SLC25A13: variants seen among roughly 807,000 people sequenced by gnomAD.
SLC25A13 encodes the protein electrogenic aspartate/glutamate antiporter SLC25A13, mitochondrial.
Under a neutral mutation model 85.5 loss-of-function variants are expected in SLC25A13, and 70 were observed. The observed-to-expected ratio is 0.82, with a 90% CI of 0.68 to 1.00. The LOEUF (loss-of-function observed/expected upper bound fraction) is 1.00, where lower values mean the gene tolerates loss of function less well. SLC25A13 is among the 50% of genes least tolerant of loss of function. The probability of loss-of-function intolerance (pLI) is 0.00; values close to 1 mark genes in which losing one functional copy is unlikely to be tolerated. For missense variants in SLC25A13, 765 were observed against 819.8 expected, an observed-to-expected ratio of 0.93 and a Z score of 0.82; for synonymous variants, 259 against 288.7, an observed-to-expected ratio of 0.90 and a Z score of 1.04.
chr7:96,239,247 T>A (rs1384562031), intron 3 of SLC25A13, among the ~76,000 whole-genome samples: 1 of 149,780 alleles, frequency 6.7e-6, no homozygotes, highest in African/African-American at 2.4e-5. Flanking sequence ...AACCATAAAA[T>A]CATAATGTAT....
intron 13 of SLC25A13, among the ~76,000 whole-genome samples, chr7:96,160,363 G>T (rs148739011): frequency 2.0e-5 from 3 of 152,232 alleles, no homozygotes; most frequent in Non-Finnish European, 4.4e-5. Context: ...ACTGAAGGCA[G>T]CCCTTAGCCA....
intron 10 of SLC25A13, 78 bp downstream of exon 10, chr7:96,184,849 A>T: frequency 8.1e-7 from 1 of 1,241,746 alleles, no homozygotes; most frequent in Non-Finnish European, 1.2e-6. Context: ...TTTGTCCTTT[A>T]ACATTTCAAG....
At chr7:96,258,061 C>T (rs1468137841) in intron 3 of SLC25A13, among the ~76,000 whole-genome samples, 7 of 152,136 alleles carry the variant, frequency 4.6e-5, no homozygotes, top group African/African-American at 9.7e-5. Context: ...ATTCATGGAA[C>T]GTATCTCAAA....
intron 4 of SLC25A13, among the ~76,000 whole-genome samples, chr7:96,222,265 GA>G (rs1796160027): frequency 6.6e-6 from 1 of 152,124 alleles, no homozygotes; most frequent in Non-Finnish European, 1.5e-5. Flanking sequence ...GGCAAAACTG[GA>G]CCAGTTTCTT....
chr7:96,289,225 A>G (rs1799015396), intron 2 of SLC25A13, among the ~76,000 whole-genome samples: 1 of 152,280 alleles, frequency 6.6e-6, no homozygotes, highest in African/African-American at 2.4e-5. Context: ...ACTAACAAAC[A>G]GAAAGGACAT....
chr7:96,184,118 C>A (rs1415505600), intron 11 of SLC25A13, among the ~76,000 whole-genome samples, 159 bp downstream of exon 11: 1 of 152,096 alleles, frequency 6.6e-6, no homozygotes, highest in African/African-American at 2.4e-5. Context: ...TTAGCCAAGC[C>A]CTAGATGCCT....
rs2116735994 is a variant in SLC25A13 at position 96,214,458 on chromosome 7, T to C, written c.329-5481A>G. 2.0e-5 allele frequency among the ~76,000 whole-genome samples: 3 copies of C among 152,346 alleles called. No individual in the cohort carries two copies. The South Asian group carries it at 6.2e-4, about 32-fold the overall frequency. ...TAAAAAACAACTCGGTCAGGCGCAG[T>C]GGCCCACGCCTGTAATCCCAGCATT... On this transcript the variant is annotated intron_variant, in intron 4 of 17. Transcript: ENST00000265631.
At chr7:96,243,635 A>G (rs757539932) in intron 3 of SLC25A13, among the ~76,000 whole-genome samples, 1 of 152,134 alleles carries the variant, frequency 6.6e-6, no homozygotes, top group Non-Finnish European at 1.5e-5. Context: ...AGATAAGGCT[A>G]CTTTGCCTAA....
At chr7:96,316,634 C>T (rs1217746540) in intron 1 of SLC25A13, among the ~76,000 whole-genome samples, 1 of 152,226 alleles carries the variant, frequency 6.6e-6, no homozygotes, top group Non-Finnish European at 1.5e-5. Flanking sequence ...CCTCCCCTAA[C>T]TCAGTTTTCT....
intron 8 of SLC25A13, 71 bp downstream of exon 8, chr7:96,189,510 G>A (rs1794763662): frequency 1.3e-6 from 2 of 1,508,764 alleles, no homozygotes; most frequent in Admixed American, 1.7e-5. Flanking sequence ...TTTTTCTCCT[G>A]ATTGCTGCCC....
chr7:96,322,092 C>T lies in SLC25A13; in HGVS notation c.-136G>A, dbSNP rs892929701. On this transcript the variant is annotated 5_prime_UTR_variant, in exon 1 of 18. Coordinates refer to ENST00000265631, the MANE Select transcript of SLC25A13 (RefSeq NM_014251.3). ...ACGGCCAGGCAGCGTGCGTTCCTGGCCTGCCTCCCCACGCCCTCCCGCCGG... is the reference window on the plus strand; with the variant it reads ...ACGGCCAGGCAGCGTGCGTTCCTGGTCTGCCTCCCCACGCCCTCCCGCCGG... 7 of 1,260,132 alleles carry T rather than the reference C, an allele frequency of 5.6e-6. No homozygotes were observed. The highest frequency in any genetic ancestry group is 7.7e-6 in the Non-Finnish European group (7 of 905,174). 78.1% of individuals were successfully genotyped at this position (1,260,132 alleles called of 1,614,324 possible).
At chr7:96,286,284 CAAAAAA>C (rs34958208) in intron 2 of SLC25A13, among the ~76,000 whole-genome samples, 1 of 109,328 alleles carries the variant, frequency 9.1e-6, no homozygotes. Context: ...GACTCCATCT[CAAAAAA>C]AAAAAAAAAA....
At chr7:96,227,200 T>A (rs1283076466) in intron 4 of SLC25A13, among the ~76,000 whole-genome samples, 1 of 152,340 alleles carries the variant, frequency 6.6e-6, no homozygotes, top group African/African-American at 2.4e-5. Context: ...CATCTTTAGA[T>A]AACAAATAAC....
chr7:96,264,752 T>C (rs1039454754), intron 3 of SLC25A13, among the ~76,000 whole-genome samples: 1 of 152,134 alleles, frequency 6.6e-6, no homozygotes, highest in Non-Finnish European at 1.5e-5. Context: ...TCTCGCTATG[T>C]TAGCCAGGCT....
chr7:96,321,515 C>G (rs539978854), intron 1 of SLC25A13, among the ~76,000 whole-genome samples: 1 of 151,980 alleles, frequency 6.6e-6, no homozygotes, highest in Non-Finnish European at 1.5e-5. Context: ...GGCTTCAGCC[C>G]GGGCTCTGGC....
chr7:96,185,304 A>G (rs1011850212), intron 9 of SLC25A13, among the ~76,000 whole-genome samples: 4 of 152,324 alleles, frequency 2.6e-5, no homozygotes, highest in African/African-American at 9.6e-5. Context: ...GCACAGTTAA[A>G]AACATCACTG....
In SLC25A13 at chr7:96,121,897, G is replaced by C; in HGVS notation, c.1692C>G (p.Asp564Glu). The C allele has an allele frequency of 6.2e-7, 1 of 1,614,116 alleles. No homozygotes were observed. The highest frequency in any genetic ancestry group is 8.5e-7 in the Non-Finnish European group (1 of 1,180,028). Residue 564 changes from aspartate to glutamate, a missense_variant, in exon 16 of 18, where the codon GAC (aspartate) becomes GAG (glutamate). By Grantham distance (45) the Asp-to-Glu change is conservative. Coordinates refer to ENST00000265631, the MANE Select transcript of SLC25A13 (RefSeq NM_014251.3). Reference sequence around the variant, plus strand: ...CTTCACGCAGTATCTTTCTAAAGCAGTCTATCACTCCGCTGTAAGTGGTTT... The same window carrying C: ...CTTCACGCAGTATCTTTCTAAAGCACTCTATCACTCCGCTGTAAGTGGTTT... Reference protein sequence around the residue: ...AGQTTYSGVIDCFRKILREEG... With the variant: ...AGQTTYSGVIECFRKILREEG...
chr7:96,258,669 C>T (rs892218391), intron 3 of SLC25A13, among the ~76,000 whole-genome samples: 3 of 152,144 alleles, frequency 2.0e-5, no homozygotes, highest in African/African-American at 4.8e-5. Context: ...AATGCTATTC[C>T]CATCAAACTA....
At chr7:96,225,053 C>A (rs568940159) in intron 4 of SLC25A13, among the ~76,000 whole-genome samples, 6 of 152,018 alleles carry the variant, frequency 3.9e-5, no homozygotes, top group Non-Finnish European at 8.8e-5. Flanking sequence ...TAAATTATAC[C>A]AAAAATACTT....
Sources: gnomAD v4.1 joint callset for allele counts (sites outside exome capture counted in the v4.1 genomes callset) on GRCh38, gnomAD v4.1.1 for gene constraint, MANE v1.5 for transcripts, NCBI Gene and HGNC (gene_info 2026-07-23, HGNC 2026-07-21) for gene names.